ZNF814: variants seen among roughly 807,000 people sequenced by gnomAD.
ZNF814 encodes zinc finger protein 814.
Under a neutral mutation model 7.5 loss-of-function variants are expected in ZNF814, and 5 were observed. The ratio of observed to expected loss-of-function variants is 0.67; its 90% CI spans 0.35 to 1.40. The LOEUF (loss-of-function observed/expected upper bound fraction) is 1.40, where lower values mean the gene tolerates loss of function less well. Among genes scored for constraint, ZNF814 ranks in the 40% most tolerant of loss-of-function variants. The pLI is 0.04. For missense variants in ZNF814, 962 were observed against 1,018.0 expected (o/e 0.94, Z 0.75); for synonymous variants, 315 against 340.7 (o/e 0.92, Z 0.83).
rs1159892919 is a variant in ZNF814, at chr19:57,875,964, T to C, written c.164-738A>G. Among the ~76,000 whole-genome samples the C allele has an allele frequency of 2.7e-4, 35 of 128,116 alleles. 1 individual carries two copies. The highest frequency in any genetic ancestry group is 8.6e-4 in the African/African-American group (29 of 33,550). 84.0% of individuals were successfully genotyped at this position (128,116 alleles called of 152,430 possible). A position where few individuals can be genotyped will look rare whatever the true frequency, so the allele number is the denominator to read the frequency against. On this transcript the variant is annotated intron_variant, in intron 2 of 2. Coordinates refer to ENST00000435989, the MANE Select transcript of ZNF814 (RefSeq NM_001144989.2). ...GCCGCTTTTTTTTTTTTTTTTTTTT[T>C]TTTTTTTTTTTTTTGAGATGGAGTC...
chr19:57,886,937 T>A (rs1397466256), intron 1 of ZNF814, among the ~76,000 whole-genome samples: 1 of 151,650 alleles, frequency 6.6e-6, no homozygotes. Flanking sequence ...CCTGTAATCC[T>A]AGCAAGTTGG....
chr19:57,880,585 T>TA (rs2071644580), intron 1 of ZNF814, among the ~76,000 whole-genome samples: 1 of 145,698 alleles, frequency 6.9e-6, no homozygotes, highest in Non-Finnish European at 1.5e-5. Context: ...GCACCCATCA[T>TA]ACCCTTAACA....
intron 1 of ZNF814, among the ~76,000 whole-genome samples, chr19:57,878,095 G>A (rs564327877): frequency 6.6e-6 from 1 of 150,928 alleles, no homozygotes; most frequent in African/African-American, 2.4e-5. Context: ...GAACCCAGGA[G>A]GCAGAAGTTG....
chr19:57,891,714 G>A (rs1436466905), upstream of ZNF814, among the ~76,000 whole-genome samples: 1 of 152,010 alleles, frequency 6.6e-6, no homozygotes, highest in East Asian at 1.9e-4. Context: ...AATTAGCCGG[G>A]CGGCTCTGTC....
chr19:57,901,767 A>G, the ZNF814 span: 1 of 398,602 alleles, frequency 2.5e-6, no homozygotes, highest in Non-Finnish European at 4.4e-6. Context: ...GGTGGCTATG[A>G]TGGTGGTACT....
At position 57,872,906 on chromosome 19, in the gene ZNF814, A is replaced by G. The variant is rs750941796; in HGVS notation, c.2484T>C (p.Tyr828=). 3.1e-6 allele frequency: 5 copies of G among 1,613,212 alleles called. No homozygotes were observed. In the Admixed American group the frequency reaches 6.7e-5, roughly 22 times the overall value. The change falls in exon 3 of 3, where the codon TAT becomes TAC. Residue 828 remains tyrosine, a synonymous_variant. Transcript: ENST00000435989. ...ATAATTTCCCACATTTCTCACATTT[A>G]TAAGGCTTTTCTCCAGTGTGAACTC... ...HKRVHTGEKP[Y]KCEKCGKLFN...
chr19:57,874,147 T>A lies in ZNF814; in HGVS notation c.1243A>T (p.Lys415Ter). 6.3e-7 allele frequency: 1 copy of A among 1,594,286 alleles called. No homozygotes were observed. Among genetic ancestry groups the A allele is most frequent in the Non-Finnish European group, 8.5e-7 (1 of 1,170,098 alleles). The change falls in exon 3 of 3, where the codon AAA (lysine) becomes TAA (stop). Residue 415 changes from lysine (K) to a stop codon, truncating the protein, a stop_gained. Coordinates refer to ENST00000435989, the MANE Select transcript of ZNF814 (RefSeq NM_001144989.2). LOFTEE classifies it low-confidence loss of function (END_TRUNC). ...KKHYECGECG[K>*]SFSQKSSLIQ... ...AGGCTGCTCTTTTGACTAAAGGATT[T>A]CCCACATTCTCCACATTCATAATGT...
At chr19:57,888,394 C>A (rs1188167775) in intron 1 of ZNF814, among the ~76,000 whole-genome samples, 1 of 152,190 alleles carries the variant, frequency 6.6e-6, no homozygotes. Flanking sequence ...TCTACCCTTA[C>A]AATGCTCATG....
the ZNF814 span, among the ~76,000 whole-genome samples, chr19:57,902,839 TTTTTA>T: frequency 6.6e-6 from 1 of 151,812 alleles, no homozygotes; most frequent in South Asian, 2.1e-4. Context: ...TTTTTGTGGC[TTTTTA>T]TTTATTTATT....
chr19:57,889,321 A>C (rs560861286), upstream of ZNF814, among the ~76,000 whole-genome samples: 4 of 152,292 alleles, frequency 2.6e-5, no homozygotes, highest in African/African-American at 7.2e-5. Flanking sequence ...AGTCACAAGG[A>C]TCATTTGAGG....
At chr19:57,895,312 G>C in the ZNF814 span, among the ~76,000 whole-genome samples, 1 of 146,708 alleles carries the variant, frequency 6.8e-6, no homozygotes, top group African/African-American at 2.5e-5. Flanking sequence ...GTCTCACTCT[G>C]TTGCCCAGGC....
Position 57,874,068 on chromosome 19 carries a change from C to T in ZNF814, c.1322G>A (p.Cys441Tyr), listed in dbSNP as rs1487948197. 9.3e-6 allele frequency: 15 copies of T among 1,608,272 alleles called. No homozygotes were observed. The East Asian group carries it at 2.7e-4, about 29-fold the overall frequency. Residue 441 changes from cysteine to tyrosine, a missense_variant, in exon 3 of 3, where the codon TGT (cysteine) becomes TAT (tyrosine). By Grantham distance (194) the Cys-to-Tyr change is radical. This residue lies in a region of ZNF814 where 665 missense variants were observed against 551.4 expected (regional missense o/e 1.21). Transcript: ENST00000435989. ...TCCTTCTGAACTAAAAGATTTCCCA[C>T]ATTCTTCACACCCATAAGGTTTTTC... is the stretch of plus-strand genomic sequence containing the variant. ...TGEKPYGCEE[C>Y]GKSFSSEGHL...
At chr19:57,898,532 A>G in the ZNF814 span, among the ~76,000 whole-genome samples, 3 of 152,202 alleles carry the variant, frequency 2.0e-5, no homozygotes, top group Non-Finnish European at 4.4e-5. Context: ...GTTTGGGTGG[A>G]GCAATGGCCG....
At chr19:57,887,384 C>A (rs2071701417) in intron 1 of ZNF814, among the ~76,000 whole-genome samples, 1 of 152,198 alleles carries the variant, frequency 6.6e-6, no homozygotes, top group Non-Finnish European at 1.5e-5. Flanking sequence ...GACTGCAGGC[C>A]AATTGCCCAC....
chr19:57,883,222 G>A (rs2071662814), intron 1 of ZNF814, among the ~76,000 whole-genome samples: 1 of 152,078 alleles, frequency 6.6e-6, no homozygotes, highest in Non-Finnish European at 1.5e-5. Context: ...GCCAGGTGAG[G>A]TGGCGGGCAC....
At chr19:57,888,305 C>T (rs1276440403) in intron 1 of ZNF814, among the ~76,000 whole-genome samples, 3 of 152,228 alleles carry the variant, frequency 2.0e-5, no homozygotes, top group Non-Finnish European at 4.4e-5. Flanking sequence ...CTTCGAACTC[C>T]ATTTAGCTCA....
chr19:57,901,702 A>AC, the ZNF814 span: 3 of 246,562 alleles, frequency 1.2e-5, no homozygotes, highest in East Asian at 4.4e-5. Flanking sequence ...ACTGGCACAG[A>AC]TGCAGAGGAC....
At chr19:57,875,359 C>T (rs751065145) in intron 2 of ZNF814, 133 bp from the exon 3 acceptor site, 203 of 1,576,994 alleles carry the variant, frequency 1.3e-4, no homozygotes, top group African/African-American at 7.8e-4. Context: ...TGGCTTCAGG[C>T]GGAAGATGGT....
Position 57,872,683 on chromosome 19 carries a change from C to T in ZNF814, c.*139G>A. 6.3e-7 allele frequency: 1 copy of T among 1,590,320 alleles called. No individual in the cohort carries two copies. ...AGGTGGTGTGACCAGTGTGAACTCT[C>T]TTATGAACACAGAATGCAGAGCTGT... On this transcript the variant is annotated 3_prime_UTR_variant, in exon 3 of 3. Transcript: ENST00000435989.
Sources: gnomAD v4.1 joint callset for allele counts (sites outside exome capture counted in the v4.1 genomes callset) on GRCh38, gnomAD v4.1.1 for gene constraint, gnomAD v4.1.1 regional missense constraint, MANE v1.5 for transcripts, NCBI Gene and HGNC (gene_info 2026-07-23, HGNC 2026-07-21) for gene names.